GALNT3: variants seen among roughly 807,000 people sequenced by gnomAD.
GALNT3 encodes the protein GalNAc transferase 3.
Under a neutral mutation model 69.8 loss-of-function variants are expected in GALNT3, and 51 were observed. The observed-to-expected ratio is 0.73, with a 90% CI of 0.58 to 0.92. The LOEUF is 0.92. Among genes scored for constraint, GALNT3 ranks in the 40% least tolerant of loss-of-function variants. The pLI, the probability that GALNT3 is intolerant of heterozygous loss-of-function variation, is 0.00. For missense variants in GALNT3, 711 were observed against 760.0 expected (o/e 0.94, Z 0.76); for synonymous variants, 265 against 248.5 (o/e 1.07, Z -0.63).
intron 9 of GALNT3, among the ~76,000 whole-genome samples, chr2:165,750,978 C>A (rs1279367742): frequency 6.6e-6 from 1 of 152,034 alleles, no homozygotes; most frequent in Non-Finnish European, 1.5e-5. Context: ...TGCCCTGCTG[C>A]ACAAAATTAC....
At chr2:165,751,305 A>T (rs1688353839) in intron 9 of GALNT3, among the ~76,000 whole-genome samples, 1 of 152,152 alleles carries the variant, frequency 6.6e-6, no homozygotes, top group Non-Finnish European at 1.5e-5. Flanking sequence ...CGCTGAATTC[A>T]CAGAGCCATA....
intron 1 of GALNT3, among the ~76,000 whole-genome samples, chr2:165,790,438 T>G (rs1242235811): frequency 6.6e-6 from 1 of 152,170 alleles, no homozygotes; most frequent in Non-Finnish European, 1.5e-5. Flanking sequence ...ATAGTATGAA[T>G]TATTTTGATA....
chr2:165,748,746 A>C lies in GALNT3; in HGVS notation c.*35T>G. On this transcript the variant is annotated 3_prime_UTR_variant, in exon 11 of 11. Coordinates refer to ENST00000392701, the MANE Select transcript of GALNT3 (RefSeq NM_004482.4). ...GCCTAGTCACAGTTTTATGAGAAAG[A>C]ATATTTCCTTTTTCAACTTAATTTT... 1 of 1,576,676 alleles carries C rather than the reference A, an allele frequency of 6.3e-7. No individual in the cohort carries two copies.
intron 2 of GALNT3, among the ~76,000 whole-genome samples, chr2:165,769,463 T>C (rs10184649): frequency 0.98 from 146,678 of 149,326 alleles, 72,084 homozygotes; most frequent in East Asian, 1. Flanking sequence ...AAATAATCTG[T>C]TGAGGGTGGG....
At chr2:165,770,007 A>G in intron 2 of GALNT3, 179 bp downstream of exon 2, 1 of 720,270 alleles carries the variant, frequency 1.4e-6, no homozygotes, top group Admixed American at 2.2e-5. Flanking sequence ...CCAAGCATAA[A>G]TAGGGATATG....
At chr2:165,754,828 A>C in intron 8 of GALNT3, 100 bp from the exon 9 acceptor site, 1 of 1,409,266 alleles carries the variant, frequency 7.1e-7, no homozygotes, top group Non-Finnish European at 9.9e-7. Flanking sequence ...ATAATGTAAA[A>C]TCTCAAAAGC....
chr2:165,780,981 GT>G (rs769266827), intron 1 of GALNT3, among the ~76,000 whole-genome samples: 12 of 152,130 alleles, frequency 7.9e-5, no homozygotes, highest in Non-Finnish European at 1.3e-4. Context: ...TATCTACCTA[GT>G]AGCAAGTCAG....
intron 10 of GALNT3, 23 bp downstream of exon 10, chr2:165,749,719 A>T: frequency 6.2e-7 from 1 of 1,606,108 alleles, no homozygotes; most frequent in Non-Finnish European, 8.5e-7. Context: ...AGTTAAATAG[A>T]TGAATTAATT....
In GALNT3 at chr2:165,767,110, T is replaced by C. The variant is rs1012582991; in HGVS notation, c.516-2054A>G. 1.1e-4 allele frequency among the ~76,000 whole-genome samples: 16 copies of C among 152,108 alleles called. 1 individual carries two copies. The highest frequency in any genetic ancestry group is 2.9e-4 in the African/African-American group (12 of 41,516). ...ATAAACTACCAATTAATAAAAAAGC[T>C]CAAACACAAACTATTAATATACACA... On this transcript the variant is annotated intron_variant, in intron 2 of 10. Transcript: ENST00000392701.
intron 1 of GALNT3, among the ~76,000 whole-genome samples, chr2:165,775,200 T>C (rs1465922692): frequency 1.3e-5 from 2 of 152,074 alleles, no homozygotes; most frequent in Non-Finnish European, 2.9e-5. Context: ...ACTGAAATTA[T>C]CTAAAATAAA....
At chr2:165,794,313 C>T (rs1318651161), upstream of GALNT3, 1 of 152,526 alleles carries the variant, frequency 6.6e-6, no homozygotes, top group East Asian at 1.9e-4. Flanking sequence ...TCCCGCCCCG[C>T]CCCAGCCCTA....
rs748192875 is a variant in GALNT3 at position 165,761,977 on chromosome 2, C to A, written c.766G>T (p.Gly256Cys). ...VKIVRQRERK[G>C]LITARLLGAT... is the part of the protein sequence containing the mutation. ...CCTAGCAACCGAGCAGTGATCAGAC[C>A]TTTTCTTTCTCTTTGTCTGACTATT... The change falls in exon 4 of 11, where the codon GGT (glycine) becomes TGT (cysteine). Residue 256 changes from glycine (G) to cysteine (C), a missense_variant. By Grantham distance (159) the Gly-to-Cys change is radical (BLOSUM62 -3). Transcript: ENST00000392701. 18 of 1,612,704 alleles carry A rather than the reference C, an allele frequency of 1.1e-5. No homozygotes were observed. Among genetic ancestry groups the A allele is most frequent in the African/African-American group, 1.3e-5 (1 of 74,880 alleles).
chr2:165,774,191 T>C (rs886690416), intron 1 of GALNT3, among the ~76,000 whole-genome samples: 2 of 152,214 alleles, frequency 1.3e-5, no homozygotes, highest in Non-Finnish European at 2.9e-5. Context: ...TTCATCAACC[T>C]GTGTTCACCT....
At position 165,766,891 on chromosome 2, in the gene GALNT3, T is replaced by TG. The variant is rs1157550620; in HGVS notation, c.516-1836dup. The stretch of plus-strand genomic sequence containing the variant: ...TAGTGATTAAAAAAAGGAGTTGGAT[T>TG]GGGGTAAAATATCAAGAGAAGATGT... On this transcript the variant is annotated intron_variant, in intron 2 of 10. Coordinates refer to ENST00000392701, the MANE Select transcript of GALNT3 (RefSeq NM_004482.4). Among the ~76,000 whole-genome samples, 4 of 152,064 alleles carry TG rather than the reference T, an allele frequency of 2.6e-5. No individual in the cohort carries two copies. In the East Asian group the frequency reaches 7.7e-4, roughly 29 times the overall value.
intron 7 of GALNT3, among the ~76,000 whole-genome samples, chr2:165,756,166 C>T (rs762271494): frequency 4.6e-5 from 7 of 152,000 alleles, no homozygotes; most frequent in African/African-American, 7.3e-5. Flanking sequence ...CGTTCTTCAC[C>T]GCAACAGCCA....
At chr2:165,761,761 G>T (rs1207046688) in intron 4 of GALNT3, 144 bp downstream of exon 4, 1 of 854,798 alleles carries the variant, frequency 1.2e-6, no homozygotes, top group Non-Finnish European at 2.0e-6. Flanking sequence ...ACCTGCTTGG[G>T]CTGTCATTGC....
chr2:165,778,541 A>G (rs1683023918), intron 1 of GALNT3, among the ~76,000 whole-genome samples: 1 of 152,186 alleles, frequency 6.6e-6, no homozygotes. Context: ...TAAATACAGT[A>G]TAAGGGGCAA....
At chr2:165,782,715 AG>A (rs979659886) in intron 1 of GALNT3, among the ~76,000 whole-genome samples, 1 of 152,126 alleles carries the variant, frequency 6.6e-6, no homozygotes, top group South Asian at 2.1e-4. Flanking sequence ...GGGTCCCCCT[AG>A]GAATTAGTAT....
At position 165,761,919 on chromosome 2, in the gene GALNT3, A is replaced by T; in HGVS notation, c.824T>A (p.Phe275Tyr). Residue 275 changes from phenylalanine to tyrosine, a missense_variant, in exon 4 of 11, where the codon TTT becomes TAT. Physicochemically the swap from Phe to Tyr is conservative, Grantham distance 22. Transcript: ENST00000392701. ...ATVATAETLT[F>Y]LDAHCECFYG... Reference sequence around the variant, plus strand: ...TATATACTTACAGTGAGCATCTAAAAATGTGAGCGTTTCAGCTGTTGCGAC... The same window carrying T: ...TATATACTTACAGTGAGCATCTAAATATGTGAGCGTTTCAGCTGTTGCGAC... 1 of 1,614,106 alleles carries T rather than the reference A, an allele frequency of 6.2e-7. No homozygotes were observed. The highest frequency in any genetic ancestry group is 8.5e-7 in the Non-Finnish European group (1 of 1,180,016).
Sources: gnomAD v4.1 joint callset for allele counts (sites outside exome capture counted in the v4.1 genomes callset) on GRCh38, gnomAD v4.1.1 for gene constraint, MANE v1.5 for transcripts, NCBI Gene and HGNC (gene_info 2026-07-23, HGNC 2026-07-21) for gene names.